NAALADL2: variants seen among roughly 807,000 people sequenced by gnomAD.
The protein encoded by NAALADL2 is N-acetylated alpha-linked acidic dipeptidase like 2.
NAALADL2 carries 76 observed loss-of-function variants against 87.2 expected under a neutral mutation model. The ratio of observed to expected loss-of-function variants is 0.87; its 90% CI spans 0.72 to 1.05. The LOEUF (loss-of-function observed/expected upper bound fraction) is 1.05. Among genes scored for constraint, NAALADL2 ranks in the 50% least tolerant of loss-of-function variants. The pLI is 0.00. For missense variants in NAALADL2, 1,089 were observed against 945.8 expected (o/e 1.15, Z -1.99); for synonymous variants, 354 against 331.0 (o/e 1.07, Z -0.75).
intron 2 of NAALADL2, among the ~76,000 whole-genome samples, chr3:174,703,064 T>A (rs1402239668): frequency 6.6e-6 from 1 of 152,206 alleles, no homozygotes; most frequent in African/African-American, 2.4e-5. Flanking sequence ...TACAGAGGAT[T>A]TCCTGGAGGC....
At chr3:175,080,497 C>T (rs1302791851) in intron 1 of NAALADL2, among the ~76,000 whole-genome samples, 1 of 152,198 alleles carries the variant, frequency 6.6e-6, no homozygotes, top group Non-Finnish European at 1.5e-5. Context: ...TATCTACTCT[C>T]CCAGAGTTAG....
intron 9 of NAALADL2, among the ~76,000 whole-genome samples, chr3:175,509,300 T>TCAGACTTCCTACC (rs1730804923): frequency 6.6e-6 from 1 of 152,206 alleles, no homozygotes; most frequent in African/African-American, 2.4e-5. Flanking sequence ...CTGGTCCTAC[T>TCAGACTTCCTACC]CAGACTTCCT....
At chr3:175,641,378 G>A (rs997040575) in intron 11 of NAALADL2, among the ~76,000 whole-genome samples, 11 of 150,738 alleles carry the variant, frequency 7.3e-5, no homozygotes, top group African/African-American at 9.8e-5. Flanking sequence ...CCCTTTTTCC[G>A]TCCTTCAGTA....
At chr3:174,493,491 G>T (rs6764096) in intron 1 of NAALADL2, among the ~76,000 whole-genome samples, 4 of 152,096 alleles carry the variant, frequency 2.6e-5, no homozygotes, top group African/African-American at 9.7e-5. Flanking sequence ...AAGGAACCAC[G>T]CTGATAATAG....
intron 5 of NAALADL2, among the ~76,000 whole-genome samples, chr3:175,401,385 T>TA (rs921579937): frequency 1.3e-5 from 2 of 151,878 alleles, no homozygotes; most frequent in Non-Finnish European, 2.9e-5. Context: ...ATCATCACAA[T>TA]AAAAAAAAGT....
At chr3:174,663,164 T>C (rs1372315432) in intron 2 of NAALADL2, among the ~76,000 whole-genome samples, 1 of 152,156 alleles carries the variant, frequency 6.6e-6, no homozygotes, top group Non-Finnish European at 1.5e-5. Context: ...AATATTTATA[T>C]AAATATACTA....
intron 2 of NAALADL2, among the ~76,000 whole-genome samples, chr3:174,562,455 A>G (rs1713740722): frequency 6.6e-6 from 1 of 152,174 alleles, no homozygotes; most frequent in Admixed American, 6.5e-5. Context: ...AAAAATAAGA[A>G]AAATTTTTTT....
intron 1 of NAALADL2, among the ~76,000 whole-genome samples, chr3:174,505,813 G>A (rs1378236265): frequency 6.6e-6 from 1 of 151,952 alleles, no homozygotes; most frequent in African/African-American, 2.4e-5. Context: ...ACTTTCTCTT[G>A]CCCAATTTGA....
intron 4 of NAALADL2, among the ~76,000 whole-genome samples, chr3:175,317,700 T>C (rs1413684205): frequency 6.6e-6 from 1 of 152,146 alleles, no homozygotes; most frequent in African/African-American, 2.4e-5. Flanking sequence ...AATATGTAAA[T>C]AGCCCAAATC....
At chr3:175,085,259 A>G (rs987582922) in intron 1 of NAALADL2, among the ~76,000 whole-genome samples, 1 of 152,132 alleles carries the variant, frequency 6.6e-6, no homozygotes, top group Non-Finnish European at 1.5e-5. Flanking sequence ...TGTCGTTCTG[A>G]TGTTAACTTA....
chr3:174,813,287 A>G (rs767696413), intron 3 of NAALADL2, among the ~76,000 whole-genome samples: 1 of 150,984 alleles, frequency 6.6e-6, no homozygotes, highest in Non-Finnish European at 1.5e-5. Context: ...AAAAAAACAC[A>G]AAAAATCTCA....
At chr3:174,762,096 T>G (rs1386736809) in intron 3 of NAALADL2, among the ~76,000 whole-genome samples, 1 of 151,746 alleles carries the variant, frequency 6.6e-6, no homozygotes, top group African/African-American at 2.4e-5. Context: ...TTGATATTGA[T>G]TTTTTCTATT....
chr3:175,024,440 T>C (rs963155219), intron 1 of NAALADL2, among the ~76,000 whole-genome samples: 4 of 152,064 alleles, frequency 2.6e-5, no homozygotes, highest in African/African-American at 9.7e-5. Context: ...GCTTTGTGTA[T>C]CTTAACCTGA....
chr3:175,655,303 C>G (rs186823948), intron 11 of NAALADL2, among the ~76,000 whole-genome samples: 3 of 152,120 alleles, frequency 2.0e-5, no homozygotes, highest in South Asian at 2.1e-4. Flanking sequence ...ATATTTCATG[C>G]ATTATTGACA....
intron 1 of NAALADL2, chr3:175,080,979 A>C (rs1331867107): frequency 1.3e-5 from 2 of 152,202 alleles, no homozygotes; most frequent in Admixed American, 1.3e-4. Flanking sequence ...AGGGCAATAG[A>C]AGAGCCTGGA....
chr3:175,788,595 A>T (rs1374828569), intron 13 of NAALADL2, among the ~76,000 whole-genome samples: 1 of 152,184 alleles, frequency 6.6e-6, no homozygotes, highest in African/African-American at 2.4e-5. Context: ...ATGTTTGGGT[A>T]AGTACATGCC....
At chr3:175,543,380 G>A (rs1712726910) in intron 9 of NAALADL2, among the ~76,000 whole-genome samples, 1 of 152,112 alleles carries the variant, frequency 6.6e-6, no homozygotes, top group African/African-American at 2.4e-5. Context: ...AGTCAGGGGA[G>A]GATATTTATA....
chr3:174,513,890 T>G (rs769136553), intron 1 of NAALADL2, among the ~76,000 whole-genome samples: 3 of 152,192 alleles, frequency 2.0e-5, no homozygotes, highest in Non-Finnish European at 4.4e-5. Flanking sequence ...TTTTGCCACT[T>G]CCTTCAGCGT....
rs1750364857 is a variant in NAALADL2 at position 175,013,289 on chromosome 3, ATATATATATATATT to A, written c.44-83499_44-83486del. 8.2e-5 allele frequency among the ~76,000 whole-genome samples: 7 copies of A among 85,206 alleles called. 1 individual carries two copies. The highest frequency in any genetic ancestry group is 4.1e-4 in the African/African-American group (6 of 14,486). The allele number at this position is 85,206 out of a possible 152,430, so 55.9% of individuals were successfully genotyped here. A position where few individuals can be genotyped will look rare whatever the true frequency, so the allele number is the denominator to read the frequency against. On this transcript the variant is annotated intron_variant, in intron 1 of 13. Transcript: ENST00000454872. ...TTTTTATATATATACATATATATAT[ATATATATATATATT>A]TTTTTTTTTTTTTGAGACAGGGTCT...
Sources: gnomAD v4.1 joint callset for allele counts (sites outside exome capture counted in the v4.1 genomes callset) on GRCh38, gnomAD v4.1.1 for gene constraint, MANE v1.5 for transcripts, NCBI Gene and HGNC (gene_info 2026-07-23, HGNC 2026-07-21) for gene names.